Variants in ZFP2 observed in about 807,000 individuals in gnomAD.
The protein encoded by ZFP2 is ZFP2 zinc finger protein, also known as zinc finger protein ZFP2.
Under a neutral mutation model 36.1 loss-of-function variants are expected in ZFP2, and 33 were observed. The observed-to-expected ratio is 0.92, with a 90% CI of 0.69 to 1.22. ZFP2 has a LOEUF of 1.22. ZFP2 is among the 50% of genes most tolerant of loss of function. The pLI is 0.00. For missense variants in ZFP2, 522 were observed against 551.4 expected (o/e 0.95, Z 0.53); for synonymous variants, 170 against 178.0 (o/e 0.96, Z 0.36).
chr5:178,898,296 G>A (rs1183052946), intron 1 of ZFP2, among the ~76,000 whole-genome samples: 2 of 152,108 alleles, frequency 1.3e-5, no homozygotes, highest in African/African-American at 4.8e-5. Flanking sequence ...CATATTAACT[G>A]TAAAATATTG....
chr5:178,932,026 G>C lies in ZFP2; in HGVS notation c.713G>C (p.Gly238Ala), dbSNP rs1758859083. ...NLTVHQRTHT[G>A]EKPYECNECG... The stretch of plus-strand genomic sequence containing the variant: ...ACAGTTCATCAGAGAACTCATACAG[G>C]AGAAAAACCCTATGAATGTAATGAA... Residue 238 changes from glycine (G) to alanine (A), a missense_variant, in exon 5 of 5, where the codon GGA becomes GCA. Gly to Ala is a moderately conservative substitution (Grantham distance 60). Coordinates refer to ENST00000361362, the MANE Select transcript of ZFP2 (RefSeq NM_030613.4). 1 of 1,613,852 alleles carries C rather than the reference G, an allele frequency of 6.2e-7. No homozygotes were observed. Among genetic ancestry groups the C allele is most frequent in the South Asian group, 1.1e-5 (1 of 91,036 alleles).
chr5:178,918,550 C>T (rs1758485732), intron 4 of ZFP2, among the ~76,000 whole-genome samples: 1 of 152,184 alleles, frequency 6.6e-6, no homozygotes, highest in Non-Finnish European at 1.5e-5. Context: ...CTGTGACAGA[C>T]CAGACACCTT....
At chr5:178,926,758 T>C (rs1271289708) in intron 4 of ZFP2, among the ~76,000 whole-genome samples, 1 of 152,098 alleles carries the variant, frequency 6.6e-6, no homozygotes, top group Non-Finnish European at 1.5e-5. Context: ...GACCTGGTGA[T>C]CCGTCCACCT....
At position 178,931,178 on chromosome 5, in the gene ZFP2, C is replaced by T. The variant is rs911012311; in HGVS notation, c.-77-59C>T. 9 of 1,443,296 alleles carry T rather than the reference C, an allele frequency of 6.2e-6. No individual in the cohort carries two copies. In the African/African-American group the frequency reaches 1.3e-4, roughly 21 times the overall value. 89.4% of individuals were successfully genotyped at this position (1,443,296 alleles called of 1,614,324 possible). A position where few individuals can be genotyped will look rare whatever the true frequency, so the allele number is the denominator to read the frequency against. On this transcript the variant is annotated intron_variant, in intron 4 of 4. Coordinates refer to ENST00000361362, the MANE Select transcript of ZFP2 (RefSeq NM_030613.4). ...TTAATTCTCTCATTCCTACCTTATG[C>T]AGTTTCCAGTCTCCTAGCACAGAAA...
intron 1 of ZFP2, among the ~76,000 whole-genome samples, chr5:178,908,859 A>G (rs542605133): frequency 5.4e-4 from 54 of 100,186 alleles, no homozygotes; most frequent in African/African-American, 1.6e-3. Context: ...GAGTGTTGGG[A>G]AAAAAAGCTG....
At chr5:178,907,717 A>G (rs1387569738) in intron 1 of ZFP2, among the ~76,000 whole-genome samples, 1 of 152,170 alleles carries the variant, frequency 6.6e-6, no homozygotes, top group Non-Finnish European at 1.5e-5. Context: ...ACCACCAGGA[A>G]CAGAAACTTT....
chr5:178,909,370 G>A (rs1758241263), intron 1 of ZFP2, among the ~76,000 whole-genome samples: 1 of 152,178 alleles, frequency 6.6e-6, no homozygotes, highest in Admixed American at 6.5e-5. Flanking sequence ...GTAGATCATT[G>A]CTTGATAAAT....
intron 1 of ZFP2, among the ~76,000 whole-genome samples, chr5:178,912,080 CCGAG>C (rs1758308563): frequency 6.6e-6 from 1 of 152,138 alleles, no homozygotes; most frequent in Non-Finnish European, 1.5e-5. Flanking sequence ...TTGCAGTAAG[CCGAG>C]AACGTGCCAC....
At chr5:178,908,763 A>G (rs1256800495) in intron 1 of ZFP2, among the ~76,000 whole-genome samples, 2 of 152,198 alleles carry the variant, frequency 1.3e-5, no homozygotes, top group Non-Finnish European at 2.9e-5. Context: ...AATAACCAAA[A>G]AATGAAGAAA....
chr5:178,920,146 T>A (rs1389085297), intron 4 of ZFP2, among the ~76,000 whole-genome samples: 1 of 152,188 alleles, frequency 6.6e-6, no homozygotes, highest in Non-Finnish European at 1.5e-5. Context: ...ATATGAGATC[T>A]TTTGTTGTTG....
intron 3 of ZFP2, chr5:178,914,071 T>C (rs567339178): frequency 3.3e-5 from 5 of 152,260 alleles, no homozygotes; most frequent in South Asian, 2.1e-4. Context: ...TTAGCCAGGA[T>C]GGTCTCGATC....
chr5:178,932,544 G>A lies in ZFP2; in HGVS notation c.1231G>A (p.Glu411Lys), dbSNP rs1758872808. The A allele has an allele frequency of 1.2e-6, 2 of 1,613,956 alleles. No homozygotes were observed. The highest frequency in any genetic ancestry group is 1.7e-6 in the Non-Finnish European group (2 of 1,180,042). ...QRIHTGEKPY[E>K]CDQCGKAFIK... Reference sequence around the variant, plus strand: ...AATTCATACTGGTGAGAAACCCTATGAATGTGATCAGTGTGGAAAAGCCTT... The same window carrying A: ...AATTCATACTGGTGAGAAACCCTATAAATGTGATCAGTGTGGAAAAGCCTT... Residue 411 changes from glutamate (E) to lysine (K), a missense_variant, in exon 5 of 5, where the codon GAA becomes AAA. Coordinates refer to ENST00000361362, the MANE Select transcript of ZFP2 (RefSeq NM_030613.4).
chr5:178,930,048 A>C (rs1758792917), intron 4 of ZFP2, among the ~76,000 whole-genome samples: 1 of 151,310 alleles, frequency 6.6e-6, no homozygotes, highest in South Asian at 2.1e-4. Context: ...ACACACTTGT[A>C]AATAACCACA....
intron 4 of ZFP2, among the ~76,000 whole-genome samples, chr5:178,930,955 C>T (rs1270811690): frequency 6.6e-6 from 1 of 152,192 alleles, no homozygotes; most frequent in Non-Finnish European, 1.5e-5. Context: ...TCAGTGCCTT[C>T]ACTGTCCATC....
chr5:178,901,445 G>C (rs1217589616), intron 1 of ZFP2, among the ~76,000 whole-genome samples: 2 of 152,228 alleles, frequency 1.3e-5, no homozygotes, highest in African/African-American at 2.4e-5. Context: ...CTTGCTCTCT[G>C]AAACTGGTGG....
chr5:178,915,312 G>A (rs976836739), intron 3 of ZFP2, among the ~76,000 whole-genome samples: 1 of 132,606 alleles, frequency 7.5e-6, no homozygotes, highest in Non-Finnish European at 1.6e-5. Flanking sequence ...GAACCTAAAG[G>A]TTTTTCTTTC....
Position 178,916,585 on chromosome 5 carries a change from C to A in ZFP2, c.-203C>A. ...TCCAGATTTTCTTGGATATTGCTGT[C>A]AGATTAATCTGACATTTAGTCCTCT... On this transcript the variant is annotated 5_prime_UTR_variant, in exon 4 of 5. Coordinates refer to ENST00000361362, the MANE Select transcript of ZFP2 (RefSeq NM_030613.4). The A allele has an allele frequency of 1.0e-6, 1 of 985,288 alleles. No individual in the cohort carries two copies. Among genetic ancestry groups the A allele is most frequent in the Non-Finnish European group, 1.2e-6 (1 of 829,924 alleles). The allele number at this position is 985,288 out of a possible 1,614,324, so 61.0% of individuals were successfully genotyped here.
Position 178,932,314 on chromosome 5 carries a change from C to T in ZFP2, c.1001C>T (p.Ala334Val). Residue 334 changes from alanine (A) to valine (V), a missense_variant, in exon 5 of 5, where the codon GCT becomes GTT. Ala to Val is a moderately conservative substitution (Grantham distance 64). Transcript: ENST00000361362. The stretch of plus-strand genomic sequence containing the variant: ...TTTGAATGTAACGAGTGTGGAAAAG[C>T]TTTCAGTAAGAATTCATCTCTAACT... ...KPFECNECGK[A>V]FSKNSSLTQH... 6.2e-7 allele frequency: 1 copy of T among 1,614,158 alleles called. No individual in the cohort carries two copies.
At chr5:178,930,376 A>G (rs915129082) in intron 4 of ZFP2, among the ~76,000 whole-genome samples, 4 of 114,128 alleles carry the variant, frequency 3.5e-5, no homozygotes, top group Non-Finnish European at 6.6e-5. Flanking sequence ...GCTGGAGTGC[A>G]GTGGTACTAC....
Sources: gnomAD v4.1 joint callset for allele counts (sites outside exome capture counted in the v4.1 genomes callset) on GRCh38, gnomAD v4.1.1 for gene constraint, MANE v1.5 for transcripts, NCBI Gene and HGNC (gene_info 2026-07-23, HGNC 2026-07-21) for gene names.